The following TFAP2A variants were observed in gnomAD, a reference collection of about 807,000 sequenced individuals.
The protein encoded by TFAP2A is transcription factor AP-2-alpha.
TFAP2A carries 7 observed loss-of-function variants against 41.5 expected under a neutral mutation model. The ratio of observed to expected loss-of-function variants is 0.17; its 90% CI spans 0.10 to 0.32. The LOEUF (loss-of-function observed/expected upper bound fraction) is 0.32, where lower values mean the gene tolerates loss of function less well. Among genes scored for constraint, TFAP2A ranks in the 10% least tolerant of loss-of-function variants. TFAP2A has a pLI of 1.00. For missense variants in TFAP2A, 416 were observed against 563.3 expected (o/e 0.74, Z 2.65); for synonymous variants, 247 against 242.8 (o/e 1.02, Z -0.16).
rs1482178043 is a variant in TFAP2A at position 10,397,197 on chromosome 6, G to A, written c.*1220C>T. 1 of 152,166 alleles carries A rather than the reference G, an allele frequency of 6.6e-6. No individual in the cohort carries two copies. Among genetic ancestry groups the A allele is most frequent in the Non-Finnish European group, 1.5e-5 (1 of 68,028 alleles). The allele number at this position is 152,166 out of a possible 1,614,324, so 9.4% of individuals were successfully genotyped here. On this transcript the variant is annotated 3_prime_UTR_variant, in exon 7 of 7. Transcript: ENST00000379613. The stretch of plus-strand genomic sequence containing the variant: ...TACAGAATACCAGGTGGTCCCAAAT[G>A]TTTGAAGTTCTTTGAACAGAAAGAG...
At chr6:10,419,117 G>A (rs997686100), upstream of TFAP2A, among the ~76,000 whole-genome samples, 7 of 152,100 alleles carry the variant, frequency 4.6e-5, no homozygotes, top group African/African-American at 1.4e-4. Flanking sequence ...GGGGGTGGGG[G>A]AAACGGCCAC....
intron 2 of TFAP2A, 189 bp downstream of exon 2, chr6:10,409,712 G>T (rs571244219): frequency 1.5e-5 from 10 of 654,836 alleles, no homozygotes; most frequent in African/African-American, 1.1e-4. Flanking sequence ...CATTGTTCTG[G>T]GGTAGAACTC....
At position 10,398,733 on chromosome 6, in the gene TFAP2A, G is replaced by A. The variant is rs748996541; in HGVS notation, c.1032-28C>T. ...GCAGCACAAGTGGAGCAGAGAGAGA[G>A]ACATAAGGCTCCACTATGGGCAGCA... is the stretch of plus-strand genomic sequence containing the variant. On this transcript the variant is annotated intron_variant, in intron 6 of 6. Transcript: ENST00000379613. This position sits in a 1 kb window ranked among gnomAD's most constrained non-coding sequence, Gnocchi z 5.3. 3 of 1,612,360 alleles carry A rather than the reference G, an allele frequency of 1.9e-6. No individual in the cohort carries two copies. The highest frequency in any genetic ancestry group is 3.3e-5 in the Admixed American group (2 of 60,014).
chr6:10,415,457 G>A, upstream of TFAP2A: 1 of 270,482 alleles, frequency 3.7e-6, no homozygotes, highest in Non-Finnish European at 7.0e-6. Flanking sequence ...CCTTCCTCGA[G>A]CTCCGCCGCG....
At chr6:10,405,923 A>C (rs1757694108) in intron 3 of TFAP2A, 1 of 152,252 alleles carries the variant, frequency 6.6e-6, no homozygotes, top group African/African-American at 2.4e-5. Context: ...ACTTGGAAAG[A>C]GCATCTCTTA....
At chr6:10,413,973 T>C (rs1216078073) in intron 1 of TFAP2A, among the ~76,000 whole-genome samples, 2 of 152,204 alleles carry the variant, frequency 1.3e-5, no homozygotes, top group Non-Finnish European at 2.9e-5. Context: ...CATTACAGTG[T>C]TGGTTGTAAC....
At position 10,404,490 on chromosome 6, in the gene TFAP2A, G is replaced by GCGGT; in HGVS notation, c.770+17_770+18insACCG. The GCGGT allele has an allele frequency of 1.9e-6, 3 of 1,545,152 alleles. No individual in the cohort carries two copies. The highest frequency in any genetic ancestry group is 2.6e-6 in the Non-Finnish European group (3 of 1,145,236). ...CCCGGCCGCGGGGCGGGGCGGGCGG[G>GCGGT]GCCGTGCCGGGCCTCACCTCCGGAG... On this transcript the variant is annotated intron_variant, in intron 4 of 6. Coordinates refer to ENST00000379613, the MANE Select transcript of TFAP2A (RefSeq NM_001372066.1).
At position 10,398,103 on chromosome 6, in the gene TFAP2A, A is replaced by G; in HGVS notation, c.*314T>C. On this transcript the variant is annotated 3_prime_UTR_variant, in exon 7 of 7. Coordinates refer to ENST00000379613, the MANE Select transcript of TFAP2A (RefSeq NM_001372066.1). The surrounding 1 kb of genome is among the most constrained non-coding windows in gnomAD (Gnocchi z 5.3). Reference sequence around the variant, plus strand: ...TTGTTTAAAAAAAAAAGGGTTCACAAACTTGGCAGAACTTTTCTCTGCTGG... The same window carrying G: ...TTGTTTAAAAAAAAAAGGGTTCACAGACTTGGCAGAACTTTTCTCTGCTGG... 2 of 1,249,682 alleles carry G rather than the reference A, an allele frequency of 1.6e-6. No homozygotes were observed. Among genetic ancestry groups the G allele is most frequent in the African/African-American group, 1.5e-5 (1 of 64,628 alleles). 77.4% of individuals were successfully genotyped at this position (1,249,682 alleles called of 1,614,324 possible).
chr6:10,398,278 A>AGGG lies in TFAP2A; in HGVS notation c.*138_*139insCCC. On this transcript the variant is annotated 3_prime_UTR_variant, in exon 7 of 7. Transcript: ENST00000379613. The surrounding 1 kb of genome is among the most constrained non-coding windows in gnomAD (Gnocchi z 5.3). ...CGGAGACTCGGGGGGACCCAAGGGC[A>AGGG]GCGGCGGCGGCGGCGGCGGCAGCAG... 6.4e-7 allele frequency: 1 copy of AGGG among 1,568,482 alleles called. No homozygotes were observed. The highest frequency in any genetic ancestry group is 2.3e-5 in the East Asian group (1 of 43,736).
chr6:10,409,592 G>C, intron 2 of TFAP2A: 1 of 371,032 alleles, frequency 2.7e-6, no homozygotes, highest in Non-Finnish European at 5.0e-6. Flanking sequence ...TAGCAATTGA[G>C]ACAGTTTACT....
chr6:10,406,505 A>C (rs1757718821), intron 3 of TFAP2A: 1 of 477,770 alleles, frequency 2.1e-6, no homozygotes, highest in African/African-American at 1.9e-5. Flanking sequence ...TCAAAATTGA[A>C]ATGCCACTTC....
intron 4 of TFAP2A, among the ~76,000 whole-genome samples, chr6:10,404,122 A>C (rs1384256750): frequency 7.9e-5 from 12 of 152,232 alleles, no homozygotes; most frequent in Non-Finnish European, 1.6e-4. Context: ...CTGGGCTTGC[A>C]AGGTGTGCGC....
chr6:10,409,890 C>T lies in TFAP2A; in HGVS notation c.486+11G>A, dbSNP rs1581268983. Reference sequence around the variant, plus strand: ...TGTGTTCCCTCCCGCGCTGGTTGCGCGGCCTCTTACCGGGACCTCCTCGAT... The same window carrying T: ...TGTGTTCCCTCCCGCGCTGGTTGCGTGGCCTCTTACCGGGACCTCCTCGAT... On this transcript the variant is annotated intron_variant, in intron 2 of 6. Transcript: ENST00000379613. The T allele has an allele frequency of 1.3e-6, 2 of 1,547,722 alleles. No individual in the cohort carries two copies. The highest frequency in any genetic ancestry group is 1.4e-5 in the African/African-American group (1 of 73,118).
In TFAP2A at chr6:10,396,752, T is replaced by C. The variant is rs1761780279; in HGVS notation, c.*1665A>G. 6.6e-6 allele frequency: 1 copy of C among 152,644 alleles called. No homozygotes were observed. Among genetic ancestry groups the C allele is most frequent in the East Asian group, 1.9e-4 (1 of 5,206 alleles). 9.5% of individuals were successfully genotyped at this position (152,644 alleles called of 1,614,324 possible). A position where few individuals can be genotyped will look rare whatever the true frequency, so the allele number is the denominator to read the frequency against. On this transcript the variant is annotated 3_prime_UTR_variant, in exon 7 of 7. Coordinates refer to ENST00000379613, the MANE Select transcript of TFAP2A (RefSeq NM_001372066.1). ...TAGTAAGGAAAAGACAGTATGTCAT[T>C]CCTTTAGCAGTACAAACAATCTTTT... is the stretch of plus-strand genomic sequence containing the variant.
At chr6:10,417,837 G>T (rs1758301219), upstream of TFAP2A, among the ~76,000 whole-genome samples, 1 of 152,086 alleles carries the variant, frequency 6.6e-6, no homozygotes, top group Admixed American at 6.5e-5. Context: ...CCAGGCCCGC[G>T]GCTCCCTCCT....
rs1349074900 is a variant in TFAP2A, at chr6:10,397,361, G to A, written c.*1056C>T. The A allele has an allele frequency of 6.6e-6, 1 of 151,762 alleles. No individual in the cohort carries two copies. The highest frequency in any genetic ancestry group is 1.5e-5 in the Non-Finnish European group (1 of 67,968). 9.4% of individuals were successfully genotyped at this position (151,762 alleles called of 1,614,324 possible). A position where few individuals can be genotyped will look rare whatever the true frequency, so the allele number is the denominator to read the frequency against. On this transcript the variant is annotated 3_prime_UTR_variant, in exon 7 of 7. Transcript: ENST00000379613. ...TTTTTCTCCCTACAATACATAGAAG[G>A]GTTATCAAACCACTCAAGTTTCAAA...
chr6:10,411,720 C>G (rs1757979136), intron 1 of TFAP2A: 1 of 1,551,568 alleles, frequency 6.4e-7, no homozygotes, highest in Non-Finnish European at 8.7e-7. Context: ...CCACCCAGGA[C>G]TCCAGTCACG....
At chr6:10,413,064 A>G (rs1430434246) in intron 1 of TFAP2A, among the ~76,000 whole-genome samples, 1 of 152,056 alleles carries the variant, frequency 6.6e-6, no homozygotes, top group Non-Finnish European at 1.5e-5. Flanking sequence ...CCCCCAGATG[A>G]CACGACTAGC....
upstream of TFAP2A, chr6:10,418,283 T>C (rs1353452824): frequency 6.6e-6 from 1 of 152,272 alleles, no homozygotes; most frequent in Non-Finnish European, 1.5e-5. Context: ...CAACTCCAGG[T>C]AGCTTAGTGA....
Sources: allele counts gnomAD v4.1 joint callset (sites outside exome capture counted in the v4.1 genomes callset), GRCh38; gene constraint gnomAD v4.1.1; non-coding constraint Gnocchi (gnomAD v3.1); transcripts MANE v1.5; gene names NCBI Gene and HGNC (gene_info 2026-07-23, HGNC 2026-07-21).